NAV2: variants seen among roughly 807,000 people sequenced by gnomAD.
NAV2 encodes the protein neuron navigator 2.
In NAV2, 54 loss-of-function variants were observed where a neutral mutation model predicts 223.2. The observed-to-expected ratio is 0.24, with a 90% CI of 0.19 to 0.30. The LOEUF is 0.30. Among genes scored for constraint, NAV2 ranks in the 10% least tolerant of loss-of-function variants. The pLI is 1.00. For missense variants in NAV2, 2,806 were observed against 3,147.5 expected (o/e 0.89, Z 2.60); for synonymous variants, 1,279 against 1,239.3 (o/e 1.03, Z -0.67).
chr11:20,007,931 CA>C (rs1401453819), intron 11 of NAV2, among the ~76,000 whole-genome samples: 1 of 152,126 alleles, frequency 6.6e-6, no homozygotes, highest in South Asian at 2.1e-4. Context: ...TTCACAAAAA[CA>C]AAAAATATTT....
intron 14 of NAV2, among the ~76,000 whole-genome samples, chr11:20,046,421 G>A (rs536251233): frequency 5.9e-5 from 9 of 152,114 alleles, no homozygotes; most frequent in Admixed American, 3.9e-4. Context: ...TAGCTCAGGG[G>A]AGCAGATACA....
intron 32 of NAV2, among the ~76,000 whole-genome samples, 178 bp from the exon 33 acceptor site, chr11:20,103,077 C>A (rs749688549): frequency 3.8e-4 from 58 of 152,270 alleles, no homozygotes; most frequent in Non-Finnish European, 6.8e-4. Context: ...ACTCTGCATC[C>A]CCTGAGGACC....
chr11:19,476,126 C>A (rs2042108156), intron 1 of NAV2, among the ~76,000 whole-genome samples: 1 of 152,194 alleles, frequency 6.6e-6, no homozygotes, highest in African/African-American at 2.4e-5. Flanking sequence ...AGGCACGCGC[C>A]ACCATGTCCA....
rs745527753 is a variant in NAV2, at chr11:20,105,653, T to C, written c.6767T>C (p.Ile2256Thr). Residue 2256 changes from isoleucine (I) to threonine (T), a missense_variant, in exon 35 of 38, where the codon ATT (isoleucine) becomes ACT (threonine). Physicochemically the swap from Ile to Thr is moderately conservative, Grantham distance 89 (BLOSUM62 -1). Transcript: ENST00000349880. ...RVRNMELVKI[I>T]DWIPKVWHHL... is the part of the protein sequence containing the mutation. ...CGCAATATGGAGCTGGTAAAAATCA[T>C]TGACTGGATTCCCAAGGTCTGGCAT... is the stretch of plus-strand genomic sequence containing the variant. 8.1e-6 allele frequency: 13 copies of C among 1,614,004 alleles called. No homozygotes were observed. The highest frequency in any genetic ancestry group is 3.3e-5 in the Admixed American group (2 of 60,012).
intron 1 of NAV2, among the ~76,000 whole-genome samples, chr11:19,831,253 G>T (rs867903053): frequency 7.1e-6 from 1 of 140,924 alleles, no homozygotes; most frequent in East Asian, 2.1e-4. Context: ...TGGGGAGTGG[G>T]GGGGGATGAC....
chr11:19,897,936 C>T (rs1387720691), intron 6 of NAV2, among the ~76,000 whole-genome samples: 2 of 134,668 alleles, frequency 1.5e-5, no homozygotes, highest in African/African-American at 5.7e-5. Flanking sequence ...GAAGACTACT[C>T]ACTTCTGTTG....
rs979098152 is a variant in NAV2 at position 20,105,715 on chromosome 11, G to A, written c.6829G>A (p.Asp2277Asn). 8 of 1,612,224 alleles carry A rather than the reference G, an allele frequency of 5.0e-6. No homozygotes were observed. The highest frequency in any genetic ancestry group is 1.3e-5 in the African/African-American group (1 of 74,990). The change falls in exon 35 of 38, where the codon GAC (aspartate) becomes AAC (asparagine). Residue 2277 changes from aspartate to asparagine, a missense_variant. Asp to Asn is a conservative substitution (Grantham distance 23). Around this residue, in one of 4 missense-constraint regions of NAV2, gnomAD observed 824 missense variants for 1,069.4 expected, o/e 0.77. Transcript: ENST00000349880. ...NRFLEAHSSS[D>N]VTIGPRLFLS... ...CTTCCTGGAGGCTCACAGTTCCTCG[G>A]ACGTCACCATCGGTGGGTGGGAGAC...
At chr11:19,775,490 A>G (rs921499063) in intron 1 of NAV2, among the ~76,000 whole-genome samples, 4 of 152,338 alleles carry the variant, frequency 2.6e-5, no homozygotes, top group Non-Finnish European at 4.4e-5. Flanking sequence ...GGAAACATTT[A>G]CTGAGCTCCC....
intron 10 of NAV2, among the ~76,000 whole-genome samples, chr11:19,966,768 A>G (rs2048804553): frequency 6.6e-6 from 1 of 152,180 alleles, no homozygotes; most frequent in African/African-American, 2.4e-5. Context: ...ACGCCTGGTA[A>G]CAGCTCCCAG....
chr11:19,609,145 G>T (rs527982362), intron 1 of NAV2, among the ~76,000 whole-genome samples: 1 of 152,250 alleles, frequency 6.6e-6, no homozygotes, highest in East Asian at 1.9e-4. Context: ...GGATTGGGTC[G>T]CAGACATCTC....
intron 10 of NAV2, chr11:19,979,340 C>T (rs1053163524): frequency 6.6e-6 from 1 of 152,274 alleles, no homozygotes; most frequent in African/African-American, 2.4e-5. Flanking sequence ...ATCTTACAGG[C>T]AGAGGCCTGG....
intron 11 of NAV2, chr11:20,022,812 T>G: frequency 8.0e-7 from 1 of 1,242,784 alleles, no homozygotes. Flanking sequence ...GTTTCAGAGT[T>G]TGGTGTTAGC....
chr11:19,479,751 A>G lies in NAV2; in HGVS notation c.75+128724A>G, dbSNP rs141461881. ...TTTGTGAGTTCTTGCTTCTGCAAAT[A>G]TGAAGTGCAACAAGGAGATAGTGCC... is the stretch of plus-strand genomic sequence containing the variant. On this transcript the variant is annotated intron_variant, in intron 1 of 37. Transcript: ENST00000360655. Among the ~76,000 whole-genome samples the G allele has an allele frequency of 5.1e-3, 784 of 152,312 alleles. 8 individuals are homozygous for G. The highest frequency in any genetic ancestry group is 0.018 in the African/African-American group (742 of 41,552).
At chr11:19,736,930 A>G (rs1330474586) in intron 1 of NAV2, among the ~76,000 whole-genome samples, 1 of 152,228 alleles carries the variant, frequency 6.6e-6, no homozygotes, top group African/African-American at 2.4e-5. Flanking sequence ...GGGAAAAAAA[A>G]ACTTATTGCC....
chr11:19,704,186 A>G (rs1246643964), intron 1 of NAV2, among the ~76,000 whole-genome samples: 1 of 152,102 alleles, frequency 6.6e-6, no homozygotes, highest in Non-Finnish European at 1.5e-5. Context: ...CACCCCCTGT[A>G]ACTGGTGATC....
chr11:19,625,968 C>A (rs2047158769), intron 1 of NAV2, among the ~76,000 whole-genome samples: 1 of 152,094 alleles, frequency 6.6e-6, no homozygotes. Flanking sequence ...ACCATTTTCT[C>A]CCATTCTATA....
intron 1 of NAV2, chr11:19,714,391 T>C (rs906752879): frequency 6.5e-6 from 3 of 464,594 alleles, no homozygotes; most frequent in Non-Finnish European, 1.3e-5. Context: ...TAAGGCCCCA[T>C]TGGGTTCGAC....
chr11:19,815,964 C>A (rs912969181), intron 1 of NAV2, among the ~76,000 whole-genome samples: 1 of 152,194 alleles, frequency 6.6e-6, no homozygotes, highest in Admixed American at 6.5e-5. Context: ...TAAATAGTAT[C>A]TTTGTGCAAA....
At chr11:19,406,841 C>G (rs1849918946) in intron 1 of NAV2, among the ~76,000 whole-genome samples, 1 of 152,190 alleles carries the variant, frequency 6.6e-6, no homozygotes, top group South Asian at 2.1e-4. Context: ...AATATCACCT[C>G]TTCTCCTGAC....
Sources: gnomAD v4.1 joint callset for allele counts (sites outside exome capture counted in the v4.1 genomes callset) on GRCh38, gnomAD v4.1.1 for gene constraint, gnomAD v4.1.1 regional missense constraint, MANE v1.5 for transcripts, NCBI Gene and HGNC (gene_info 2026-07-23, HGNC 2026-07-21) for gene names.